CHKB: variants seen among roughly 807,000 people sequenced by gnomAD.
The protein encoded by CHKB is choline kinase beta.
A neutral mutation model predicts 57.3 loss-of-function variants in CHKB; 45 were observed. The observed-to-expected ratio is 0.79, with a 90% CI of 0.62 to 1.01. The LOEUF (loss-of-function observed/expected upper bound fraction) is 1.01, where lower values mean the gene tolerates loss of function less well. Among genes scored for constraint, CHKB ranks in the 50% least tolerant of loss-of-function variants. CHKB has a pLI of 0.00. For missense variants in CHKB, 517 were observed against 502.8 expected, an observed-to-expected ratio of 1.03 and a Z score of -0.27; for synonymous variants, 224 against 201.8, an observed-to-expected ratio of 1.11 and a Z score of -0.93.
At chr22:50,579,702 C>A (rs771445571) in intron 9 of CHKB, 25 bp downstream of exon 9, 2 of 1,582,130 alleles carry the variant, frequency 1.3e-6, no homozygotes, top group South Asian at 2.2e-5. Context: ...CTCTGCCCTA[C>A]CCCACCCTGC....
chr22:50,580,708 C>T (rs1409478066), intron 4 of CHKB, 48 bp from the exon 5 acceptor site: 2 of 1,566,844 alleles, frequency 1.3e-6, no homozygotes, highest in Non-Finnish European at 1.8e-6. Context: ...TCTTTCCCAC[C>T]CCTCGCCTAT....
chr22:50,582,295 T>A lies in CHKB; in HGVS notation c.287A>T (p.Glu96Val). 1 of 1,594,316 alleles carries A rather than the reference T, an allele frequency of 6.3e-7. No homozygotes were observed. The highest frequency in any genetic ancestry group is 1.7e-5 in the Admixed American group (1 of 57,606). Residue 96 changes from glutamate (E) to valine (V), a missense_variant, in exon 2 of 11, where the codon GAG becomes GTG. Glu to Val is a moderately radical substitution (Grantham distance 121, BLOSUM62 -2). Coordinates refer to ENST00000406938, the MANE Select transcript of CHKB (RefSeq NM_005198.5). ...CCGCAGAAGCACCTCCCGGGGCTCC[T>A]CGCCAACGCTGGGCAGGTGGTCCGG... ...SLPDHLPSVGEEPREVLLRLY... is the reference protein window; with the variant it reads ...SLPDHLPSVGVEPREVLLRLY...
Position 50,580,621 on chromosome 22 carries a change from G to A in CHKB, c.621C>T (p.Leu207=), listed in dbSNP as rs372742172. 2.3e-5 allele frequency: 37 copies of A among 1,614,082 alleles called. No individual in the cohort carries two copies. The African/African-American group carries it at 4.5e-4, about 20-fold the overall frequency. ...KQIQDLPPTG[L]PEMNLLEMYS... ...ACATCTCCAGCAGGTTCATCTCAGG[G>A]AGGCCAGTTGGGGGCAGGTCCTGGA... is the stretch of plus-strand genomic sequence containing the variant. The change falls in exon 5 of 11, where the codon CTC becomes CTT. Residue 207 remains leucine (L), a synonymous_variant. Coordinates refer to ENST00000406938, the MANE Select transcript of CHKB (RefSeq NM_005198.5).
chr22:50,582,134 T>C (rs1171652605), intron 2 of CHKB, 115 bp downstream of exon 2: 1 of 980,276 alleles, frequency 1.0e-6, no homozygotes, highest in African/African-American at 1.6e-5. Flanking sequence ...AATGAGGTGT[T>C]ACTCAGACCG....
intron 2 of CHKB, 130 bp from the exon 3 acceptor site, chr22:50,581,992 G>C: frequency 1.1e-6 from 1 of 871,868 alleles, no homozygotes; most frequent in South Asian, 1.4e-5. Flanking sequence ...ACAGGCTTTA[G>C]CGTTGGTCTA....
chr22:50,579,134 C>A lies in CHKB; in HGVS notation c.*47G>T. The A allele has an allele frequency of 6.4e-7, 1 of 1,563,018 alleles. No homozygotes were observed. The highest frequency in any genetic ancestry group is 8.8e-7 in the Non-Finnish European group (1 of 1,138,772). On this transcript the variant is annotated 3_prime_UTR_variant, in exon 11 of 11. Transcript: ENST00000406938. ...TGCTCGTTGTTCCTCCCTCCAAGGT[C>A]CTGCCCTGGAGGCTCCAGGAGAAAT... is the stretch of plus-strand genomic sequence containing the variant.
chr22:50,582,584 G>A lies in CHKB; in HGVS notation c.198C>T (p.Pro66=), dbSNP rs1224674249. The A allele has an allele frequency of 6.2e-7, 1 of 1,610,132 alleles. No individual in the cohort carries two copies. The highest frequency in any genetic ancestry group is 1.7e-4 in the Middle Eastern group (1 of 6,048). The change falls in exon 1 of 11, where the codon CCC becomes CCT. Residue 66 remains proline (P), a synonymous_variant. Transcript: ENST00000406938. ...YLGGAWRRVQ[P]EELRVYPVSG... is the part of the protein sequence containing the mutation. The stretch of plus-strand genomic sequence containing the variant: ...TCACGGGGTAAACCCTCAGCTCCTC[G>A]GGCTGCACTCGGCGCCAGGCCCCGC...
At position 50,579,255 on chromosome 22, in the gene CHKB, C is replaced by A. The variant is rs1415692835; in HGVS notation, c.1114G>T (p.Asp372Tyr). ...SMSTIEFGYLDYAQSRFQFYF... is the reference protein window; with the variant it reads ...SMSTIEFGYLYYAQSRFQFYF... ...AACTGGAACCGAGACTGGGCATAGT[C>A]CTAGGGAAGGAAACCCACCCCACAC... Residue 372 changes from aspartate (D) to tyrosine (Y), a missense_variant and splice_region_variant, in exon 11 of 11, where the codon GAC becomes TAC. Coordinates refer to ENST00000406938, the MANE Select transcript of CHKB (RefSeq NM_005198.5). 6.2e-7 allele frequency: 1 copy of A among 1,613,464 alleles called. No homozygotes were observed. The highest frequency in any genetic ancestry group is 8.5e-7 in the Non-Finnish European group (1 of 1,179,794).
rs2070614081 is a variant in CHKB at position 50,579,201 on chromosome 22, T to C, written c.1168A>G (p.Ser390Gly). ...FYFQQKGQLT[S>G]VHSSS ...TGGAGTCAGGATGAGGAGTGGACAC[T>C]GGTCAGCTGCCCCTTCTGCTGGAAG... The change falls in exon 11 of 11, where the codon AGT (serine) becomes GGT (glycine). Residue 390 changes from serine (S) to glycine (G), a missense_variant. By Grantham distance (56) the Ser-to-Gly change is moderately conservative. Coordinates refer to ENST00000406938, the MANE Select transcript of CHKB (RefSeq NM_005198.5). 6.2e-7 allele frequency: 1 copy of C among 1,613,774 alleles called. No homozygotes were observed. The highest frequency in any genetic ancestry group is 1.7e-5 in the Admixed American group (1 of 60,002).
rs755746798 is a variant in CHKB, at chr22:50,580,547, T to C, written c.677+18A>G. Reference sequence around the variant, plus strand: ...GGGCGGACACCATTACCATTAGCCTTGTCCTGCCTGCCCTCACCTGAGGTT... The same window carrying C: ...GGGCGGACACCATTACCATTAGCCTCGTCCTGCCTGCCCTCACCTGAGGTT... On this transcript the variant is annotated intron_variant, in intron 5 of 10. Transcript: ENST00000406938. 2.3e-5 allele frequency: 37 copies of C among 1,613,740 alleles called. No individual in the cohort carries two copies. Among genetic ancestry groups the C allele is most frequent in the Non-Finnish European group, 3.1e-5 (37 of 1,179,866 alleles).
At chr22:50,580,525 C>T (rs766375396) in intron 5 of CHKB, 40 bp downstream of exon 5, 39 of 1,611,566 alleles carry the variant, frequency 2.4e-5, no homozygotes, top group Non-Finnish European at 3.1e-5. Flanking sequence ...ACTGGAAGGG[C>T]GGACACCATT....
At chr22:50,582,002 A>G (rs1603443761) in intron 2 of CHKB, 140 bp from the exon 3 acceptor site, 9 of 834,264 alleles carry the variant, frequency 1.1e-5, no homozygotes, top group East Asian at 1.1e-4. Flanking sequence ...GCGTTGGTCT[A>G]TTTTTATTTA....
intron 9 of CHKB, 32 bp from the exon 10 acceptor site, chr22:50,579,539 C>T (rs767456756): frequency 6.2e-7 from 1 of 1,608,850 alleles, no homozygotes; most frequent in South Asian, 1.1e-5. Flanking sequence ...GAGGGGCATT[C>T]AAGAGCATGT....
rs749862181 is a variant in CHKB at position 50,582,660 on chromosome 22, A to C, written c.122T>G (p.Leu41Arg). 2 of 1,609,026 alleles carry C rather than the reference A, an allele frequency of 1.2e-6. No homozygotes were observed. The highest frequency in any genetic ancestry group is 1.7e-6 in the Non-Finnish European group (2 of 1,178,772). The change falls in exon 1 of 11, where the codon CTG becomes CGG. Residue 41 changes from leucine (L) to arginine (R), a missense_variant. Coordinates refer to ENST00000406938, the MANE Select transcript of CHKB (RefSeq NM_005198.5). ...GGCTCGGCGCTCGGCGTCACGCGACAGCGACGAGGCGCGCCGCCGTTTTGG... is the reference window on the plus strand; with the variant it reads ...GGCTCGGCGCTCGGCGTCACGCGACCGCGACGAGGCGCGCCGCCGTTTTGG... ...TTPKRRRASS[L>R]SRDAERRAYQ...
chr22:50,581,788 G>A lies in CHKB; in HGVS notation c.408C>T (p.Tyr136=), dbSNP rs2070696556. ...CCAGCCGGCCCTCTGGGAAGACTCC[G>A]TACAGCTGGGGCCCCAGCGACCGCT... is the stretch of plus-strand genomic sequence containing the variant. ...LAERSLGPQL[Y]GVFPEGRLEQ... The change falls in exon 3 of 11, where the codon TAC becomes TAT. Residue 136 remains tyrosine, a synonymous_variant. Coordinates refer to ENST00000406938, the MANE Select transcript of CHKB (RefSeq NM_005198.5). 1.9e-6 allele frequency: 3 copies of A among 1,613,406 alleles called. No individual in the cohort carries two copies. Among genetic ancestry groups the A allele is most frequent in the African/African-American group, 1.3e-5 (1 of 74,974 alleles).
rs747030221 is a variant in CHKB, at chr22:50,580,099, G to A, written c.819-17C>T. On this transcript the variant is annotated splice_polypyrimidine_tract_variant and intron_variant, in intron 7 of 10. Transcript: ENST00000406938. ...TCAAAGCCCCTGGGAGAATAAGGTG[G>A]ACATTCAGTCCCCAAATGCCCTGGG... 1.7e-5 allele frequency: 28 copies of A among 1,613,582 alleles called. 1 individual carries two copies. The South Asian group carries it at 1.9e-4, about 11-fold the overall frequency.
At chr22:50,582,208 C>T (rs1380113778) in intron 2 of CHKB, 41 bp downstream of exon 2, 1 of 1,510,864 alleles carries the variant, frequency 6.6e-7, no homozygotes, top group African/African-American at 1.4e-5. Flanking sequence ...AAGCGACAGG[C>T]CCTAAAGCCA....
rs897205267 is a variant in CHKB, at chr22:50,580,824, G to C, written c.582-164C>G. The C allele has an allele frequency of 7.1e-6, 5 of 699,656 alleles. No individual in the cohort carries two copies. The African/African-American group carries it at 8.8e-5, about 12-fold the overall frequency. 43.3% of individuals were successfully genotyped at this position (699,656 alleles called of 1,614,324 possible). ...AAATGGAGTCTTGCTCTGTCACCCA[G>C]GCTGGAGTGCAGTGGCGCGATCTTG... On this transcript the variant is annotated intron_variant, in intron 4 of 10. Transcript: ENST00000406938.
At chr22:50,580,329 G>A (rs745748373) in intron 6 of CHKB, 29 bp downstream of exon 6, 6 of 1,613,916 alleles carry the variant, frequency 3.7e-6, no homozygotes, top group Non-Finnish European at 1.7e-6. Flanking sequence ...TTCCATCTTG[G>A]GTTAGGAGAC....
Sources: gnomAD v4.1 joint callset for allele counts on GRCh38, gnomAD v4.1.1 for gene constraint, MANE v1.5 for transcripts, NCBI Gene and HGNC (gene_info 2026-07-23, HGNC 2026-07-21) for gene names.